ABCB4: variants seen among roughly 807,000 people sequenced by gnomAD.
ABCB4 encodes phosphatidylcholine translocator ABCB4.
Under a neutral mutation model 145.7 loss-of-function variants are expected in ABCB4, and 76 were observed. The observed-to-expected ratio is 0.52, with a 90% CI of 0.43 to 0.63. The LOEUF (loss-of-function observed/expected upper bound fraction) is 0.63. Among genes scored for constraint, ABCB4 ranks in the 30% least tolerant of loss-of-function variants. ABCB4 has a pLI of 0.00. For synonymous variants in ABCB4, 517 were observed against 566.8 expected, an observed-to-expected ratio of 0.91 and a Z score of 1.25; for missense variants, 1,234 against 1,553.1, an observed-to-expected ratio of 0.79 and a Z score of 3.45.
Position 87,408,206 on chromosome 7 carries a change from T to C in ABCB4, c.3110A>G (p.Asn1037Ser), listed in dbSNP as rs758615467. 8.7e-6 allele frequency: 14 copies of C among 1,614,200 alleles called. No individual in the cohort carries two copies. Among genetic ancestry groups the C allele is most frequent in the Non-Finnish European group, 1.1e-5 (13 of 1,180,004 alleles). Reference protein sequence around the residue: ...PDKFEGNITFNEVVFNYPTRA... With the variant: ...PDKFEGNITFSEVVFNYPTRA... Reference sequence around the variant, plus strand: ...GGTGGGATAGTTGAACACGACTTCATTAAATGTTATATTTCCTTCAAATTT... The same window carrying C: ...GGTGGGATAGTTGAACACGACTTCACTAAATGTTATATTTCCTTCAAATTT... The change falls in exon 25 of 28, where the codon AAT (asparagine) becomes AGT (serine). Residue 1037 changes from asparagine (N) to serine (S), a missense_variant. This residue lies in a region of ABCB4 where 301 missense variants were observed against 389.0 expected (regional missense o/e 0.77). Coordinates refer to ENST00000649586, the MANE Select transcript of ABCB4 (RefSeq NM_000443.4).
At chr7:87,396,521 G>A in the ABCB4 span, among the ~76,000 whole-genome samples, 1 of 152,082 alleles carries the variant, frequency 6.6e-6, no homozygotes, top group South Asian at 2.1e-4. Context: ...TGGGGCAAGG[G>A]TTGGTACAGT....
intron 15 of ABCB4, among the ~76,000 whole-genome samples, chr7:87,428,573 G>A (rs1253247735): frequency 6.6e-6 from 1 of 151,968 alleles, no homozygotes; most frequent in Non-Finnish European, 1.5e-5. Context: ...GAAATTGAAA[G>A]GAACAAAGCA....
At position 87,406,438 on chromosome 7, in the gene ABCB4, G is replaced by A. The variant is rs756982751; in HGVS notation, c.3336C>T (p.Leu1112=). The A allele has an allele frequency of 1.9e-4, 307 of 1,613,778 alleles. No homozygotes were observed. The highest frequency in any genetic ancestry group is 2.3e-4 in the Non-Finnish European group (274 of 1,180,008). ...KLNVQWLRAQ[L]GIVSQEPILF... ...GGATAGGCTCCTGAGACACGATTCC[G>A]AGTTGAGCTCTGAGCCACTGGACAT... Residue 1112 remains leucine (L), a synonymous_variant, in exon 26 of 28, where the codon CTC becomes CTT. Transcript: ENST00000649586.
intron 16 of ABCB4, among the ~76,000 whole-genome samples, chr7:87,425,275 G>A (rs1228623391): frequency 1.3e-5 from 2 of 151,964 alleles, no homozygotes; most frequent in Non-Finnish European, 2.9e-5. Context: ...TTCAAGAGAC[G>A]TGCTCCTATA....
chr7:87,447,037 C>G lies in ABCB4; in HGVS notation c.1002G>C (p.Met334Ile), dbSNP rs1320726481. Residue 334 changes from methionine to isoleucine, a missense_variant, in exon 9 of 28, where the codon ATG becomes ATC. This residue lies in a region of ABCB4 where 467 missense variants were observed against 632.8 expected (regional missense o/e 0.74). Coordinates refer to ENST00000649586, the MANE Select transcript of ABCB4 (RefSeq NM_000443.4). ...AAATGTTAGGAGAACTACTTACTGT[C>G]ATTGCATTTCCAATAGTATATTCTT... ...ISKEYTIGNA[M>I]TVFFSILIGA... The G allele has an allele frequency of 5.6e-6, 9 of 1,611,864 alleles. No homozygotes were observed. In the African/African-American group the frequency reaches 1.2e-4, roughly 22 times the overall value.
chr7:87,458,695 A>G (rs549686923), intron 4 of ABCB4, among the ~76,000 whole-genome samples: 1 of 152,196 alleles, frequency 6.6e-6, no homozygotes, highest in Non-Finnish European at 1.5e-5. Context: ...ACAAACGACC[A>G]AAGAGTGGAT....
chr7:87,398,095 T>G (rs1280426677), downstream of ABCB4, among the ~76,000 whole-genome samples: 1 of 112,824 alleles, frequency 8.9e-6, no homozygotes, highest in Non-Finnish European at 1.9e-5. Flanking sequence ...CCTATCATCC[T>G]TCTCTGCCTT....
chr7:87,418,638 C>A lies in ABCB4; in HGVS notation c.2395-18G>T, dbSNP rs372471113. 1 of 1,605,522 alleles carries A rather than the reference C, an allele frequency of 6.2e-7. No homozygotes were observed. Among genetic ancestry groups the A allele is most frequent in the Admixed American group, 1.7e-5 (1 of 60,008 alleles). ...CTCATGTCCTATGGCATAAAATACA[C>A]GTTTATGTTAGTTCAAAATTAAAAC... is the stretch of plus-strand genomic sequence containing the variant. On this transcript the variant is annotated intron_variant, in intron 19 of 27. Transcript: ENST00000649586.
the ABCB4 span, chr7:87,369,527 T>A: frequency 1.6e-6 from 2 of 1,233,516 alleles, no homozygotes; most frequent in African/African-American, 3.0e-5. Context: ...TCTTATGGTG[T>A]TGCTTGAATT....
In ABCB4 at chr7:87,451,700, T is replaced by C. The variant is rs762642076; in HGVS notation, c.631A>G (p.Ile211Val). The change falls in exon 7 of 28, where the codon ATC becomes GTC. Residue 211 changes from isoleucine to valine, a missense_variant. Around this residue, in one of 7 missense-constraint regions of ABCB4, gnomAD observed 467 missense variants for 632.8 expected, o/e 0.74. Transcript: ENST00000649586. The part of the protein sequence containing the change: ...TFFAGFIVGF[I>V]RGWKLTLVIM... ...ACAAGGGTGAGCTTCCATCCTCTGA[T>C]GAATCCCACTATGAATCCTGCAAAA... The C allele has an allele frequency of 1.4e-5, 23 of 1,614,210 alleles. No homozygotes were observed. The highest frequency in any genetic ancestry group is 1.9e-5 in the Non-Finnish European group (22 of 1,180,030).
rs138467346 is a variant in ABCB4 at position 87,426,704 on chromosome 7, C to A, written c.2064+46G>T. ...AGGCTAAGAATTTCAATAATTGTAG[C>A]AAAACTACAAAGTAAAAGACTTAAT... On this transcript the variant is annotated intron_variant, in intron 16 of 27. Transcript: ENST00000649586. 4,660 of 1,568,908 alleles carry A rather than the reference C, an allele frequency of 3.0e-3. 13 individuals are homozygous for A. Among genetic ancestry groups the A allele is most frequent in the Non-Finnish European group, 3.7e-3 (4,205 of 1,139,858 alleles).
At chr7:87,422,093 A>G (rs762173073) in intron 18 of ABCB4, 28 bp downstream of exon 18, 1 of 1,465,688 alleles carries the variant, frequency 6.8e-7, no homozygotes, top group Non-Finnish European at 9.5e-7. Context: ...TATAAACTTG[A>G]TGAGAAAGGC....
intron 25 of ABCB4, among the ~76,000 whole-genome samples, chr7:87,407,443 G>A (rs1808280490): frequency 6.6e-6 from 1 of 152,134 alleles, no homozygotes; most frequent in Admixed American, 6.5e-5. Flanking sequence ...TGTCTAATGG[G>A]GACAGGCTCC....
At position 87,422,231 on chromosome 7, in the gene ABCB4, A is replaced by G; in HGVS notation, c.2212-6T>C. On this transcript the variant is annotated splice_polypyrimidine_tract_variant and splice_region_variant and intron_variant, in intron 17 of 27. Transcript: ENST00000649586. The stretch of plus-strand genomic sequence containing the variant: ...TCATCGCCTGGTCCAAAAATCTACA[A>G]AAGAATATTTAAAACGCCCACTTGG... The G allele has an allele frequency of 6.2e-7, 1 of 1,608,908 alleles. No homozygotes were observed. Among genetic ancestry groups the G allele is most frequent in the Non-Finnish European group, 8.5e-7 (1 of 1,175,702 alleles).
intron 25 of ABCB4, 171 bp from the exon 26 acceptor site, chr7:87,406,665 T>G: frequency 1.4e-6 from 1 of 739,078 alleles, no homozygotes; most frequent in Non-Finnish European, 2.2e-6. Flanking sequence ...ATGATGATTT[T>G]TATGGTGATT....
intron 12 of ABCB4, among the ~76,000 whole-genome samples, chr7:87,440,766 G>A (rs1048506285): frequency 6.6e-6 from 1 of 151,694 alleles, no homozygotes; most frequent in Admixed American, 6.6e-5. Context: ...TTTTGAAATG[G>A]AGTCTCGCTC....
intron 3 of ABCB4, among the ~76,000 whole-genome samples, chr7:87,466,522 A>C (rs1275190924): frequency 1.3e-5 from 2 of 152,228 alleles, no homozygotes; most frequent in African/African-American, 4.8e-5. Flanking sequence ...AGGCAGGCCA[A>C]CATTCAAATT....
chr7:87,468,950 T>TAAGAC, intron 3 of ABCB4, among the ~76,000 whole-genome samples: 1 of 140,874 alleles, frequency 7.1e-6, no homozygotes, highest in African/African-American at 3.0e-5. Flanking sequence ...ATAAATAAAA[T>TAAGAC]AAAATAAAAT....
intron 3 of ABCB4, among the ~76,000 whole-genome samples, chr7:87,468,847 C>A (rs1420179595): frequency 6.6e-6 from 1 of 152,044 alleles, no homozygotes; most frequent in Non-Finnish European, 1.5e-5. Flanking sequence ...AGGAGAATGG[C>A]GTGAACCCGG....
Sources: gnomAD v4.1 joint callset for allele counts (sites outside exome capture counted in the v4.1 genomes callset) on GRCh38, gnomAD v4.1.1 for gene constraint, gnomAD v4.1.1 regional missense constraint, MANE v1.5 for transcripts, NCBI Gene and HGNC (gene_info 2026-07-23, HGNC 2026-07-21) for gene names.